Variants in NGLY1 observed in about 807,000 individuals in gnomAD.
The protein encoded by NGLY1 is N-glycanase 1, also known as peptide-N(4)-(N-acetyl-beta-glucosaminyl)asparagine amidase.
NGLY1 carries 68 observed loss-of-function variants against 84.6 expected under a neutral mutation model. That is an observed-to-expected ratio of 0.80 (90% confidence interval 0.66 to 0.98). The LOEUF (loss-of-function observed/expected upper bound fraction) is 0.98, where lower values mean the gene tolerates loss of function less well. Among genes scored for constraint, NGLY1 ranks in the 50% least tolerant of loss-of-function variants. NGLY1 has a pLI of 0.00. For synonymous variants in NGLY1, 280 were observed against 275.2 expected (o/e 1.02, Z -0.17); for missense variants, 779 against 770.2 (o/e 1.01, Z -0.14).
chr3:25,731,227 C>T (rs1705521543), intron 9 of NGLY1, among the ~76,000 whole-genome samples: 1 of 152,004 alleles, frequency 6.6e-6, no homozygotes, highest in Non-Finnish European at 1.5e-5. Flanking sequence ...TTCTCCACTC[C>T]ATAAAGTTTT....
intron 3 of NGLY1, among the ~76,000 whole-genome samples, chr3:25,753,243 G>T (rs1445633949): frequency 6.6e-6 from 1 of 152,138 alleles, no homozygotes; most frequent in Non-Finnish European, 1.5e-5. Context: ...TGGAAACAAT[G>T]AAGCAATTTT....
intron 4 of NGLY1, among the ~76,000 whole-genome samples, chr3:25,748,340 TGAG>T (rs1706550711): frequency 3.9e-5 from 6 of 152,098 alleles, no homozygotes; most frequent in South Asian, 2.1e-4. Context: ...CAGACTCTAA[TGAG>T]GAGTTCTTAG....
At chr3:25,774,231 C>T (rs1708039989) in intron 2 of NGLY1, among the ~76,000 whole-genome samples, 2 of 152,188 alleles carry the variant, frequency 1.3e-5, no homozygotes, top group Admixed American at 1.3e-4. Context: ...GTAATGGTTT[C>T]AGTTGGTTGG....
chr3:25,746,357 ATTTC>A (rs1706429401), intron 4 of NGLY1, among the ~76,000 whole-genome samples: 1 of 152,150 alleles, frequency 6.6e-6, no homozygotes, highest in South Asian at 2.1e-4. Flanking sequence ...CTGCTGTGTC[ATTTC>A]TTTCCTATTT....
At chr3:25,778,132 A>G (rs1708241112) in intron 2 of NGLY1, 1 of 152,374 alleles carries the variant, frequency 6.6e-6, no homozygotes, top group Non-Finnish European at 1.5e-5. Flanking sequence ...AAAAAAAAAT[A>G]CTGAGACTCC....
At chr3:25,726,634 C>G (rs1705279786) in intron 10 of NGLY1, among the ~76,000 whole-genome samples, 1 of 152,100 alleles carries the variant, frequency 6.6e-6, no homozygotes, top group African/African-American at 2.4e-5. Flanking sequence ...AAGGCAAAGC[C>G]AGAGAAGAAG....
chr3:25,777,202 C>T (rs976255570), intron 2 of NGLY1, among the ~76,000 whole-genome samples: 1 of 152,150 alleles, frequency 6.6e-6, no homozygotes, highest in Non-Finnish European at 1.5e-5. Context: ...TCGAGACCAA[C>T]CTGACCAACA....
chr3:25,770,053 T>G (rs1707817837), intron 2 of NGLY1, among the ~76,000 whole-genome samples: 1 of 151,538 alleles, frequency 6.6e-6, no homozygotes, highest in African/African-American at 2.5e-5. Flanking sequence ...TTTCCATTCC[T>G]GAGTTACCTC....
chr3:25,764,944 A>T (rs939312610), intron 2 of NGLY1, among the ~76,000 whole-genome samples: 2 of 152,226 alleles, frequency 1.3e-5, no homozygotes, highest in Admixed American at 1.3e-4. Flanking sequence ...AAAACAAAAG[A>T]AATAAAAATC....
intron 1 of NGLY1, among the ~76,000 whole-genome samples, chr3:25,788,515 G>C (rs1708651388): frequency 6.6e-6 from 1 of 152,170 alleles, no homozygotes; most frequent in Non-Finnish European, 1.5e-5. Context: ...AAGGTGATAA[G>C]AGGTAGATAC....
rs377180011 is a variant in NGLY1, at chr3:25,754,903, G to A, written c.493-3640C>T. On this transcript the variant is annotated intron_variant, in intron 3 of 11. Transcript: ENST00000280700. The stretch of plus-strand genomic sequence containing the variant: ...AAGACTACCAATAGGCTCTCTCTCC[G>A]GATAACGAGTGGCTGGATAACATGG... 4.3e-5 allele frequency: 30 copies of A among 690,374 alleles called. No homozygotes were observed. In the Admixed American group the frequency reaches 4.8e-4, roughly 11 times the overall value. The allele number at this position is 690,374 out of a possible 1,614,324, so 42.8% of individuals were successfully genotyped here. A position where few individuals can be genotyped will look rare whatever the true frequency, so the allele number is the denominator to read the frequency against.
intron 10 of NGLY1, 47 bp downstream of exon 10, chr3:25,729,086 G>A (rs1157334297): frequency 8.0e-7 from 1 of 1,246,162 alleles, no homozygotes; most frequent in Non-Finnish European, 1.1e-6. Context: ...ATCTATATTT[G>A]TTTAAACAAT....
chr3:25,748,965 T>C (rs1419003234), intron 4 of NGLY1, among the ~76,000 whole-genome samples: 1 of 152,100 alleles, frequency 6.6e-6, no homozygotes, highest in Admixed American at 6.5e-5. Flanking sequence ...CCAAAGAAGA[T>C]ATTCAAATGA....
chr3:25,765,007 G>A (rs1043652082), intron 2 of NGLY1, among the ~76,000 whole-genome samples: 13 of 152,116 alleles, frequency 8.5e-5, no homozygotes, highest in African/African-American at 3.1e-4. Context: ...TGCTAAGAAT[G>A]CTTTAAAATA....
chr3:25,774,533 T>C (rs1280974553), intron 2 of NGLY1, among the ~76,000 whole-genome samples: 2 of 152,054 alleles, frequency 1.3e-5, no homozygotes, highest in African/African-American at 2.4e-5. Context: ...GGATTACAGC[T>C]ATCTCTGCTG....
At chr3:25,746,550 A>T (rs1706444892) in intron 4 of NGLY1, among the ~76,000 whole-genome samples, 1 of 152,246 alleles carries the variant, frequency 6.6e-6, no homozygotes, top group East Asian at 1.9e-4. Flanking sequence ...AGGGAACATC[A>T]GCAGATTTTT....
intron 8 of NGLY1, among the ~76,000 whole-genome samples, 189 bp from the exon 9 acceptor site, chr3:25,732,672 T>C (rs1274568248): frequency 6.6e-6 from 1 of 152,152 alleles, no homozygotes; most frequent in African/African-American, 2.4e-5. Context: ...TTTTATAAAT[T>C]TTATGTTGGG....
chr3:25,774,024 G>A (rs770534216), intron 2 of NGLY1, among the ~76,000 whole-genome samples: 1 of 152,190 alleles, frequency 6.6e-6, no homozygotes, highest in Non-Finnish European at 1.5e-5. Context: ...GGTGGCAGGG[G>A]AGTGAAGTGG....
At chr3:25,740,626 ATATAT>A (rs1353015069) in intron 4 of NGLY1, among the ~76,000 whole-genome samples, 2 of 152,124 alleles carry the variant, frequency 1.3e-5, no homozygotes, top group South Asian at 2.1e-4. Flanking sequence ...TAGGTATATG[ATATAT>A]TATACTTTGT....
Sources: allele counts gnomAD v4.1 joint callset (sites outside exome capture counted in the v4.1 genomes callset), GRCh38; gene constraint gnomAD v4.1.1; transcripts MANE v1.5; gene names NCBI Gene and HGNC (gene_info 2026-07-23, HGNC 2026-07-21).